MACROD2: variants seen among roughly 807,000 people sequenced by gnomAD.
MACROD2 encodes the protein mono-ADP ribosylhydrolase 2.
A neutral mutation model predicts 70.4 loss-of-function variants in MACROD2; 36 were observed. The observed-to-expected ratio is 0.51, with a 90% CI of 0.39 to 0.68. The LOEUF (loss-of-function observed/expected upper bound fraction) is 0.68. Among genes scored for constraint, MACROD2 ranks in the 30% least tolerant of loss-of-function variants. The pLI, the probability that MACROD2 is intolerant of heterozygous loss-of-function variation, is 0.00. For synonymous variants in MACROD2, 172 were observed against 178.8 expected (o/e 0.96, Z 0.30); for missense variants, 496 against 538.4 (o/e 0.92, Z 0.78).
intron 3 of MACROD2, among the ~76,000 whole-genome samples, chr20:14,181,677 C>A (rs2081306655): frequency 6.6e-6 from 1 of 151,776 alleles, no homozygotes; most frequent in African/African-American, 2.4e-5. Flanking sequence ...CACTAATTTA[C>A]TTTTCATCTC....
intron 7 of MACROD2, among the ~76,000 whole-genome samples, chr20:15,438,499 T>C (rs1033745516): frequency 1.3e-5 from 2 of 152,216 alleles, no homozygotes; most frequent in African/African-American, 4.8e-5. Flanking sequence ...TGTCTGTTCA[T>C]GTCCTTTGCC....
At chr20:14,149,519 G>T (rs1325666712) in intron 3 of MACROD2, among the ~76,000 whole-genome samples, 1 of 152,116 alleles carries the variant, frequency 6.6e-6, no homozygotes, top group Non-Finnish European at 1.5e-5. Flanking sequence ...AATGAGATTG[G>T]TGGGTCAAGT....
intron 13 of MACROD2, among the ~76,000 whole-genome samples, chr20:15,979,788 A>G (rs552832901): frequency 1.3e-5 from 2 of 152,226 alleles, no homozygotes; most frequent in East Asian, 3.9e-4. Context: ...TAGATAATCA[A>G]CCTAAAAGTA....
At chr20:15,152,540 G>A (rs577000452) in intron 5 of MACROD2, among the ~76,000 whole-genome samples, 2 of 152,034 alleles carry the variant, frequency 1.3e-5, no homozygotes, top group African/African-American at 2.4e-5. Context: ...AGAGGTCAGG[G>A]TTCCTGCCCC....
At chr20:14,402,122 G>A (rs2083644090) in intron 3 of MACROD2, among the ~76,000 whole-genome samples, 1 of 152,168 alleles carries the variant, frequency 6.6e-6, no homozygotes, top group African/African-American at 2.4e-5. Flanking sequence ...GTATGTGTAT[G>A]TGTATGTGCA....
At chr20:14,389,979 G>A (rs895107564) in intron 3 of MACROD2, among the ~76,000 whole-genome samples, 1 of 152,162 alleles carries the variant, frequency 6.6e-6, no homozygotes, top group Non-Finnish European at 1.5e-5. Context: ...CAGACAACAT[G>A]ATCTTCTATC....
At chr20:14,150,766 T>C (rs1392170646) in intron 3 of MACROD2, among the ~76,000 whole-genome samples, 1 of 152,018 alleles carries the variant, frequency 6.6e-6, no homozygotes, top group East Asian at 1.9e-4. Context: ...AATTTAGTAA[T>C]AAAAAAGAAG....
At chr20:14,103,937 A>G (rs1040222010) in intron 3 of MACROD2, among the ~76,000 whole-genome samples, 1 of 152,150 alleles carries the variant, frequency 6.6e-6, no homozygotes, top group African/African-American at 2.4e-5. Context: ...CTTGGAGGAC[A>G]TTCCCTTAAA....
chr20:14,174,788 C>T (rs994617375), intron 3 of MACROD2, among the ~76,000 whole-genome samples: 1 of 152,188 alleles, frequency 6.6e-6, no homozygotes, highest in African/African-American at 2.4e-5. Flanking sequence ...GCAGCCCTTC[C>T]CATGGACCCC....
intron 3 of MACROD2, among the ~76,000 whole-genome samples, chr20:14,263,777 A>G (rs930812895): frequency 6.6e-6 from 1 of 151,914 alleles, no homozygotes; most frequent in Non-Finnish European, 1.5e-5. Context: ...TCTGGGAAAC[A>G]TGGTGAAATC....
chr20:14,615,352 C>G (rs1263798942), intron 4 of MACROD2, among the ~76,000 whole-genome samples: 6 of 152,062 alleles, frequency 3.9e-5, no homozygotes, highest in African/African-American at 9.7e-5. Flanking sequence ...AGTGGAGTGT[C>G]ACCGCGTCCA....
chr20:14,054,141 C>G (rs182938382), intron 2 of MACROD2, among the ~76,000 whole-genome samples: 111 of 150,870 alleles, frequency 7.4e-4, no homozygotes, highest in African/African-American at 2.4e-3. Flanking sequence ...TCTGCCTCCC[C>G]CACCACATTG....
At chr20:14,109,489 A>G (rs973558855) in intron 3 of MACROD2, among the ~76,000 whole-genome samples, 1 of 151,774 alleles carries the variant, frequency 6.6e-6, no homozygotes, top group Admixed American at 6.6e-5. Context: ...AAAGATAAAT[A>G]AAATGAACCC....
intron 3 of MACROD2, among the ~76,000 whole-genome samples, chr20:14,451,256 A>T (rs965100829): frequency 1.3e-5 from 2 of 152,106 alleles, no homozygotes; most frequent in African/African-American, 2.4e-5. Flanking sequence ...AGCCAGGCCA[A>T]TATGGCGAAA....
At chr20:14,879,745 T>C (rs2122460587) in intron 5 of MACROD2, among the ~76,000 whole-genome samples, 1 of 152,296 alleles carries the variant, frequency 6.6e-6, no homozygotes, top group East Asian at 1.9e-4. Flanking sequence ...TGTGCTTCTC[T>C]CTTTTTATTT....
chr20:15,035,633 C>T (rs762995431), intron 5 of MACROD2, among the ~76,000 whole-genome samples: 3 of 152,150 alleles, frequency 2.0e-5, no homozygotes, highest in Non-Finnish European at 4.4e-5. Context: ...GAGGCTCCTA[C>T]TTGATACCTA....
intron 6 of MACROD2, among the ~76,000 whole-genome samples, chr20:15,390,205 G>A (rs957105679): frequency 3.3e-5 from 5 of 152,116 alleles, no homozygotes; most frequent in Non-Finnish European, 4.4e-5. Flanking sequence ...ACTCGTCCTA[G>A]GAGGGATGAC....
At chr20:15,672,225 A>T (rs370842053) in intron 8 of MACROD2, among the ~76,000 whole-genome samples, 1 of 152,100 alleles carries the variant, frequency 6.6e-6, no homozygotes, top group Non-Finnish European at 1.5e-5. Context: ...ATTTATAATT[A>T]TATTAGCTTT....
intron 8 of MACROD2, among the ~76,000 whole-genome samples, chr20:15,512,018 A>G (rs2146513765): frequency 6.6e-6 from 1 of 152,280 alleles, no homozygotes; most frequent in Admixed American, 6.5e-5. Context: ...TGCAATAAAA[A>G]CTCCCATTTG....
Sources: allele counts gnomAD v4.1 joint callset (sites outside exome capture counted in the v4.1 genomes callset), GRCh38; gene constraint gnomAD v4.1.1; transcripts MANE v1.5; gene names NCBI Gene and HGNC (gene_info 2026-07-23, HGNC 2026-07-21).